DMD: variants seen among roughly 807,000 people sequenced by gnomAD.
DMD encodes dystrophin, also known as mutant dystrophin.
DMD carries 63 observed loss-of-function variants against 330.1 expected under a neutral mutation model. The ratio of observed to expected loss-of-function variants is 0.19; its 90% CI spans 0.16 to 0.24. The LOEUF (loss-of-function observed/expected upper bound fraction) is 0.24. Ranked by LOEUF, DMD falls within the 10% of genes least tolerant of loss-of-function variation. DMD has a pLI of 1.00. For missense variants in DMD, 3,344 were observed against 2,684.1 expected, an observed-to-expected ratio of 1.25 and a Z score of -5.43; for synonymous variants, 1,223 against 959.8, an observed-to-expected ratio of 1.27 and a Z score of -5.07.
At chrX:33,079,348 A>G (rs1352211860) in intron 1 of DMD, among the ~76,000 whole-genome samples, 1 of 111,807 alleles carries the variant, frequency 8.9e-6, no homozygotes, top group Non-Finnish European at 1.9e-5. Context: ...AAATGAGACA[A>G]CAATTGCCTG....
chrX:31,518,526 G>A (rs1461749366), intron 55 of DMD, among the ~76,000 whole-genome samples: 2 of 110,742 alleles, frequency 1.8e-5, no homozygotes, highest in Non-Finnish European at 3.8e-5. Context: ...CAATGTTGAA[G>A]GTACTTTTGG....
intron 16 of DMD, among the ~76,000 whole-genome samples, chrX:32,558,938 C>CT (rs60739281): frequency 0.058 from 2,921 of 50,758 alleles, 542 homozygotes; most frequent in Non-Finnish European, 0.071. Context: ...TTCAAATTTT[C>CT]TTTTTTTTTT....
At chrX:32,705,402 A>G (rs1195346500) in intron 7 of DMD, among the ~76,000 whole-genome samples, 1 of 112,158 alleles carries the variant, frequency 8.9e-6, no homozygotes, top group Non-Finnish European at 1.9e-5. Context: ...GTAATGGCCT[A>G]TATTTATCCA....
At chrX:32,720,233 G>A (rs996181758) in intron 7 of DMD, among the ~76,000 whole-genome samples, 1 of 110,255 alleles carries the variant, frequency 9.1e-6, no homozygotes, top group Non-Finnish European at 1.9e-5. Context: ...GAATGGGAGG[G>A]GAAACAATAT....
chrX:31,254,306 C>T (rs1236626326), intron 63 of DMD, among the ~76,000 whole-genome samples: 1 of 108,332 alleles, frequency 9.2e-6, no homozygotes, highest in Non-Finnish European at 1.9e-5. Context: ...CATTGGGGAA[C>T]CACATATTTT....
intron 1 of DMD, among the ~76,000 whole-genome samples, chrX:33,047,365 T>C (rs767764349): frequency 8.9e-6 from 1 of 111,916 alleles, no homozygotes; most frequent in African/African-American, 3.2e-5. Flanking sequence ...TTCTTCCCTC[T>C]GTTTGTGCCA....
At chrX:33,206,896 C>T (rs868744349) in intron 1 of DMD, among the ~76,000 whole-genome samples, 1 of 109,869 alleles carries the variant, frequency 9.1e-6, no homozygotes, top group South Asian at 3.9e-4. Context: ...AAGTTCAGGG[C>T]TACAAGTGCA....
At chrX:31,194,647 A>G in intron 67 of DMD, among the ~76,000 whole-genome samples, 1 of 112,238 alleles carries the variant, frequency 8.9e-6, no homozygotes, top group South Asian at 3.7e-4. Flanking sequence ...TATCCTTTCA[A>G]CTACTCTTTG....
chrX:32,886,879 A>G (rs914570653), intron 2 of DMD, among the ~76,000 whole-genome samples: 1 of 111,981 alleles, frequency 8.9e-6, no homozygotes, highest in Non-Finnish European at 1.9e-5. Flanking sequence ...ATAGTAAAAA[A>G]GGGTGAAAAG....
At chrX:31,988,787 G>GTC (rs754549321) in intron 44 of DMD, among the ~76,000 whole-genome samples, 3,023 of 106,705 alleles carry the variant, frequency 0.028, 43 homozygotes, top group Non-Finnish European at 0.043. Flanking sequence ...TTCTCTCTCT[G>GTC]TCTCTCTCTC....
At position 32,411,870 on chromosome X, in the gene DMD, G is replaced by A. The variant is rs759108067; in HGVS notation, c.4115C>T (p.Ala1372Val). The change falls in exon 30 of 79, where the codon GCC (alanine) becomes GTC (valine). Residue 1372 changes from alanine (A) to valine (V), a missense_variant. Coordinates refer to ENST00000357033, the MANE Select transcript of DMD (RefSeq NM_004006.3). ...QKLLEQSIQS[A>V]QETEKSLHLI... ...GTGTAAGGATTTTTCAGTCTCCTGG[G>A]CAGACTGGATGCTCTGTTCAAGCAA... 79 of 1,208,883 alleles carry A rather than the reference G, an allele frequency of 6.5e-5. No homozygotes were observed. The South Asian group carries it at 1.4e-3, about 21-fold the overall frequency.
rs144848650 is a variant in DMD at position 32,189,805 on chromosome X, A to C, written c.6438+27111T>G. On this transcript the variant is annotated intron_variant, in intron 44 of 78. Transcript: ENST00000357033. Reference sequence around the variant, plus strand: ...GCAAAATTTTGACCCCAAAAGCCTAACTATGAGTTCATAACTGTGCAGTAG... The same window carrying C: ...GCAAAATTTTGACCCCAAAAGCCTACCTATGAGTTCATAACTGTGCAGTAG... Among the ~76,000 whole-genome samples the C allele has an allele frequency of 3.8e-3, 419 of 111,160 alleles. 1 individual carries two copies. The highest frequency in any genetic ancestry group is 0.013 in the African/African-American group (405 of 30,670).
At chrX:32,386,255 T>A in intron 33 of DMD, 55 bp downstream of exon 33, 1 of 1,189,417 alleles carries the variant, frequency 8.4e-7, no homozygotes, top group Non-Finnish European at 1.1e-6. Context: ...GCCCGTTGCT[T>A]TACAATTTAT....
intron 44 of DMD, among the ~76,000 whole-genome samples, chrX:32,013,390 A>G (rs1353947485): frequency 1.8e-5 from 2 of 111,322 alleles, no homozygotes; most frequent in Admixed American, 1.9e-4. Context: ...CAGCCAATTC[A>G]TCTTTCTTTT....
intron 44 of DMD, among the ~76,000 whole-genome samples, chrX:32,124,677 T>C (rs780480128): frequency 6.3e-5 from 7 of 111,552 alleles, no homozygotes; most frequent in Non-Finnish European, 1.1e-4. Flanking sequence ...GTGACACAGA[T>C]AATAATCAAA....
At chrX:32,841,403 T>G (rs1185316275) in intron 4 of DMD, among the ~76,000 whole-genome samples, 1 of 111,587 alleles carries the variant, frequency 9.0e-6, no homozygotes, top group Non-Finnish European at 1.9e-5. Flanking sequence ...CAATAACCAA[T>G]AAAATCTCGA....
chrX:32,350,742 A>G (rs906377479), intron 37 of DMD, among the ~76,000 whole-genome samples: 1 of 111,116 alleles, frequency 9.0e-6, no homozygotes, highest in Non-Finnish European at 1.9e-5. Context: ...TCCTGCATCT[A>G]TTGAGTATAA....
chrX:31,221,576 G>T (rs1410541484), intron 64 of DMD, among the ~76,000 whole-genome samples: 1 of 112,690 alleles, frequency 8.9e-6, no homozygotes, highest in Non-Finnish European at 1.9e-5. Context: ...GTACCCCATT[G>T]TCCCACTGTT....
intron 19 of DMD, among the ~76,000 whole-genome samples, chrX:32,492,231 G>A (rs924762970): frequency 1.8e-5 from 2 of 111,497 alleles, no homozygotes; most frequent in African/African-American, 3.3e-5. Context: ...CCAGCTACTC[G>A]GGAGGCTGAG....
Sources: gnomAD v4.1 joint callset for allele counts (sites outside exome capture counted in the v4.1 genomes callset) on GRCh38, gnomAD v4.1.1 for gene constraint, MANE v1.5 for transcripts, NCBI Gene and HGNC (gene_info 2026-07-23, HGNC 2026-07-21) for gene names.